Variants in ABCG2 observed in about 807,000 individuals in gnomAD.
ABCG2 encodes the protein ATP binding cassette subfamily G member 2 (JR blood group).
ABCG2 carries 80 observed loss-of-function variants against 73.5 expected under a neutral mutation model. The observed-to-expected ratio is 1.09, with a 90% confidence interval of 0.91 to 1.31. The LOEUF is 1.31. Ranked by LOEUF, ABCG2 falls within the 50% of genes most tolerant of loss-of-function variation. The probability of loss-of-function intolerance (pLI) is 0.00; values close to 1 mark genes in which losing one functional copy is unlikely to be tolerated. For synonymous variants in ABCG2, 269 were observed against 282.4 expected (o/e 0.95, Z 0.48); for missense variants, 796 against 786.2 (o/e 1.01, Z -0.15).
chr4:88,212,945 C>A (rs1426641574), intron 1 of ABCG2, among the ~76,000 whole-genome samples: 1 of 152,138 alleles, frequency 6.6e-6, no homozygotes, highest in African/African-American at 2.4e-5. Context: ...GTTACCCAGG[C>A]TGGAGAGTGC....
At chr4:88,132,790 G>A (rs1724987913) in intron 2 of ABCG2, among the ~76,000 whole-genome samples, 155 bp from the exon 3 acceptor site, 1 of 152,046 alleles carries the variant, frequency 6.6e-6, no homozygotes, top group African/African-American at 2.4e-5. Flanking sequence ...AAACAAAACA[G>A]GTCATGCATG....
chr4:88,120,922 T>C (rs1344041947), intron 6 of ABCG2, among the ~76,000 whole-genome samples: 1 of 152,192 alleles, frequency 6.6e-6, no homozygotes, highest in African/African-American at 2.4e-5. Flanking sequence ...TCACCTTGAA[T>C]TGTAATAACA....
chr4:88,093,428 C>T (rs948036546), intron 15 of ABCG2, among the ~76,000 whole-genome samples: 12 of 150,742 alleles, frequency 8.0e-5, no homozygotes, highest in Middle Eastern at 3.4e-3. Flanking sequence ...GGCGTCAACC[C>T]GGGAGGTGGA....
intron 1 of ABCG2, among the ~76,000 whole-genome samples, chr4:88,219,681 A>T (rs6840723): frequency 1.4e-5 from 2 of 143,420 alleles, no homozygotes; most frequent in Admixed American, 1.5e-4. Flanking sequence ...TCCCAGGTTC[A>T]CGCCATTCTC....
At chr4:88,140,856 C>G (rs1725587438) in intron 1 of ABCG2, among the ~76,000 whole-genome samples, 1 of 151,856 alleles carries the variant, frequency 6.6e-6, no homozygotes, top group African/African-American at 2.4e-5. Context: ...TATTTAAATT[C>G]TAGGGAGATT....
intron 10 of ABCG2, among the ~76,000 whole-genome samples, chr4:88,103,832 T>C (rs1157881163): frequency 7.9e-5 from 12 of 152,242 alleles, no homozygotes; most frequent in Non-Finnish European, 1.5e-5. Flanking sequence ...TGCTTAGCTT[T>C]CTGCGTTTGG....
upstream of ABCG2, among the ~76,000 whole-genome samples, chr4:88,164,126 G>C (rs1191172853): frequency 6.6e-6 from 1 of 151,756 alleles, no homozygotes; most frequent in Admixed American, 6.6e-5. Flanking sequence ...GAGTGCAATG[G>C]TGTGATCTCA....
At chr4:88,225,354 G>A (rs756324042) in intron 1 of ABCG2, among the ~76,000 whole-genome samples, 27 of 152,162 alleles carry the variant, frequency 1.8e-4, no homozygotes, top group Admixed American at 4.6e-4. Context: ...AAAGGCAGTA[G>A]TTTGCCAACC....
At chr4:88,110,018 T>C (rs1723026843) in intron 9 of ABCG2, among the ~76,000 whole-genome samples, 2 of 152,112 alleles carry the variant, frequency 1.3e-5, no homozygotes, top group African/African-American at 2.4e-5. Context: ...GGTGTAATCA[T>C]AGTTCACTGC....
intron 1 of ABCG2, among the ~76,000 whole-genome samples, chr4:88,190,574 A>G (rs1728647322): frequency 6.6e-6 from 1 of 152,210 alleles, no homozygotes; most frequent in African/African-American, 2.4e-5. Context: ...CTTGCAGTAG[A>G]TTTCAAACTG....
intron 1 of ABCG2, among the ~76,000 whole-genome samples, chr4:88,224,873 G>A (rs1730146455): frequency 1.3e-5 from 2 of 152,148 alleles, no homozygotes; most frequent in African/African-American, 2.4e-5. Context: ...TAGGGTGTAA[G>A]GTAAGGGTCC....
At chr4:88,194,499 G>A (rs867361476) in intron 1 of ABCG2, among the ~76,000 whole-genome samples, 16 of 131,942 alleles carry the variant, frequency 1.2e-4, no homozygotes, top group African/African-American at 4.0e-4. Flanking sequence ...GCAGTGAGCC[G>A]AGATCTGGCC....
At chr4:88,153,068 G>A (rs577988541) in intron 1 of ABCG2, among the ~76,000 whole-genome samples, 4 of 152,268 alleles carry the variant, frequency 2.6e-5, no homozygotes, top group Admixed American at 2.6e-4. Flanking sequence ...GAGGACCCAG[G>A]ACATCCAATT....
Position 88,101,265 on chromosome 4 carries a change from GGCTGAAACACT to G in ABCG2, c.1321_1331del (p.Ser441ArgfsTer14), listed in dbSNP as rs773828630. On this transcript the variant is annotated frameshift_variant, in exon 11 of 16. Coordinates refer to ENST00000237612, the MANE Select transcript of ABCG2 (RefSeq NM_004827.3). LOFTEE classifies it high-confidence loss of function. ...TCTTCTCTACCACAAAGAGTTCCAC[GGCTGAAACACT>G]GCTGAAACACTGGTTGGTCGTCAGG... 15 of 1,613,916 alleles carry G rather than the reference GGCTGAAACACT, an allele frequency of 9.3e-6. No individual in the cohort carries two copies. The highest frequency in any genetic ancestry group is 6.6e-5 in the South Asian group (6 of 91,076).
chr4:88,227,529 G>T (rs1311448735), intron 1 of ABCG2, among the ~76,000 whole-genome samples: 3 of 152,120 alleles, frequency 2.0e-5, no homozygotes, highest in African/African-American at 7.2e-5. Context: ...TGATCTCTGA[G>T]TGGTGGCACT....
intron 1 of ABCG2, among the ~76,000 whole-genome samples, chr4:88,227,992 C>T (rs7655059): frequency 2.0e-5 from 3 of 151,876 alleles, no homozygotes; most frequent in African/African-American, 7.3e-5. Flanking sequence ...TTCACTGGGA[C>T]CTTCATTTCT....
At chr4:88,132,676 A>G in intron 2 of ABCG2, 41 bp from the exon 3 acceptor site, 1 of 1,607,784 alleles carries the variant, frequency 6.2e-7, no homozygotes, top group Non-Finnish European at 8.5e-7. Context: ...TTCCATTTTA[A>G]GTCAGGTTCT....
At chr4:88,201,142 C>CA (rs1560753203) in intron 1 of ABCG2, among the ~76,000 whole-genome samples, 1 of 97,328 alleles carries the variant, frequency 1.0e-5, no homozygotes, top group East Asian at 2.7e-4. Context: ...AGAAAATTAA[C>CA]AAAAAAACAA....
intron 1 of ABCG2, among the ~76,000 whole-genome samples, chr4:88,144,005 C>T (rs1725806639): frequency 6.6e-6 from 1 of 152,154 alleles, no homozygotes; most frequent in South Asian, 2.1e-4. Flanking sequence ...CCAGTCTTTC[C>T]CCATGGTCAG....
Sources: gnomAD v4.1 joint callset for allele counts (sites outside exome capture counted in the v4.1 genomes callset) on GRCh38, gnomAD v4.1.1 for gene constraint, MANE v1.5 for transcripts, NCBI Gene and HGNC (gene_info 2026-07-23, HGNC 2026-07-21) for gene names.